Variants in ME3 observed in about 807,000 individuals in gnomAD.
The protein encoded by ME3 is malic enzyme 3, also known as NADP-dependent malic enzyme, mitochondrial.
Under a neutral mutation model 68.9 loss-of-function variants are expected in ME3, and 48 were observed. The observed-to-expected ratio is 0.70, with a 90% confidence interval of 0.55 to 0.89. The LOEUF (loss-of-function observed/expected upper bound fraction) is 0.89, where lower values mean the gene tolerates loss of function less well. ME3 is among the 40% of genes least tolerant of loss of function. ME3 has a pLI of 0.00. For synonymous variants in ME3, 320 were observed against 318.8 expected (o/e 1.00, Z -0.04); for missense variants, 675 against 797.4 (o/e 0.85, Z 1.85).
At chr11:86,560,748 G>GTATGTGTGTATATATATATATATATATA (rs1957184106) in intron 2 of ME3, among the ~76,000 whole-genome samples, 2 of 62,528 alleles carry the variant, frequency 3.2e-5, no homozygotes, top group Admixed American at 2.1e-4. Context: ...GTGTGTGTGT[G>GTATGTGTGTATATATATATATATATATA]TATATATATA....
chr11:86,556,681 G>A, exon 4 of ME3: 1 of 1,614,126 alleles, frequency 6.2e-7, no homozygotes, highest in Non-Finnish European at 8.5e-7. Context: ...TCCGGTCTTG[G>A]AGTGTCATGA....
chr11:86,613,676 TAGAC>T (rs1942755867), intron 2 of ME3, among the ~76,000 whole-genome samples: 1 of 151,932 alleles, frequency 6.6e-6, no homozygotes, highest in Non-Finnish European at 1.5e-5. Context: ...ACACCAACAA[TAGAC>T]AGCAGAGAGC....
intron 2 of ME3, among the ~76,000 whole-genome samples, chr11:86,564,033 G>T (rs1389413927): frequency 6.6e-6 from 1 of 152,050 alleles, no homozygotes. Flanking sequence ...ACATTGCTTT[G>T]GGCAGTATGG....
At chr11:86,644,104 G>A (rs994884056) in intron 2 of ME3, among the ~76,000 whole-genome samples, 2 of 152,130 alleles carry the variant, frequency 1.3e-5, no homozygotes, top group Non-Finnish European at 2.9e-5. Context: ...GGTGTGGAGG[G>A]CAGAGAGCGG....
chr11:86,606,652 A>G (rs1375111176), intron 2 of ME3, among the ~76,000 whole-genome samples: 2 of 152,204 alleles, frequency 1.3e-5, no homozygotes, highest in Non-Finnish European at 2.9e-5. Context: ...GCATAATGGG[A>G]AAATCCTTCA....
intron 2 of ME3, among the ~76,000 whole-genome samples, chr11:86,590,151 T>G (rs1958976180): frequency 6.6e-6 from 1 of 152,162 alleles, no homozygotes; most frequent in Non-Finnish European, 1.5e-5. Context: ...TACTCAAGTT[T>G]GCAAAGGACA....
rs144858073 is a variant in ME3, at chr11:86,648,662, T to G, written c.183+23100A>C. ...ATGATAAAGGGGATATCACCACTGA[T>G]CCCAAAGAAATACAAACTACCATCA... On this transcript the variant is annotated intron_variant, in intron 2 of 14. Coordinates refer to ENST00000543262, the Ensembl canonical transcript of ME3. Among the ~76,000 whole-genome samples, 278 of 152,216 alleles carry G rather than the reference T, an allele frequency of 1.8e-3. 10 individuals carry two copies. In the East Asian group the frequency reaches 0.05, roughly 27 times the overall value.
chr11:86,556,448 A>G, intron 4 of ME3, 105 bp downstream of exon 4: 15 of 1,361,812 alleles, frequency 1.1e-5, no homozygotes, highest in Non-Finnish European at 1.5e-5. Flanking sequence ...CCACTGACCC[A>G]ATCAGAGTTA....
chr11:86,475,008 CTA>C (rs908252104), intron 7 of ME3, among the ~76,000 whole-genome samples: 8 of 152,352 alleles, frequency 5.3e-5, no homozygotes, highest in Admixed American at 5.2e-4. Context: ...TGGTCTTAAA[CTA>C]TTTTTCTGGT....
chr11:86,553,223 C>T (rs954320415), intron 4 of ME3, among the ~76,000 whole-genome samples: 6 of 152,172 alleles, frequency 3.9e-5, no homozygotes, highest in Non-Finnish European at 7.3e-5. Context: ...ATACTCTTTC[C>T]CCGGTAATGA....
intron 2 of ME3, among the ~76,000 whole-genome samples, chr11:86,659,023 TAAGA>T (rs1946104125): frequency 6.6e-6 from 1 of 151,936 alleles, no homozygotes; most frequent in South Asian, 2.1e-4. Context: ...ATAAAAGAGA[TAAGA>T]AAGGAGAGTA....
Position 86,567,243 on chromosome 11 carries a change from A to AAAGGAAGGAAGGAAGG in ME3, c.184-7436_184-7421dup, listed in dbSNP as rs149764846. 1.7e-3 allele frequency among the ~76,000 whole-genome samples: 251 copies of AAAGGAAGGAAGGAAGG among 144,574 alleles called. 1 individual carries two copies. The highest frequency in any genetic ancestry group is 7.5e-3 in the East Asian group (37 of 4,912). The allele number at this position is 144,574 out of a possible 152,430, so 94.8% of individuals were successfully genotyped here. ...AAAGAAAGAAAGAAAGAAAAGAAAG[A>AAAGGAAGGAAGGAAGG]AAGGAAGGAAGGAAGGAAGGAAGGA... On this transcript the variant is annotated intron_variant, in intron 2 of 14. Coordinates refer to ENST00000543262, the Ensembl canonical transcript of ME3.
intron 4 of ME3, among the ~76,000 whole-genome samples, chr11:86,539,172 C>T (rs1357235710): frequency 6.6e-6 from 1 of 152,126 alleles, no homozygotes; most frequent in East Asian, 1.9e-4. Flanking sequence ...ACTCCCAATC[C>T]TGAGAGTCTA....
At position 86,463,292 on chromosome 11, in the gene ME3, C is replaced by T. The variant is rs1018299556; in HGVS notation, c.919+1799G>A. Among the ~76,000 whole-genome samples, 8 of 152,298 alleles carry T rather than the reference C, an allele frequency of 5.3e-5. No homozygotes were observed. In the East Asian group the frequency reaches 1.2e-3, roughly 22 times the overall value. ...CTTCCACCCTCTGGCCTTGGCAGCC[C>T]GGTGGGCTCAGGGGACTGGCTGTCC... On this transcript the variant is annotated intron_variant, in intron 8 of 14. Transcript: ENST00000543262.
At chr11:86,462,674 G>T (rs1294623580) in intron 8 of ME3, 1 of 1,061,042 alleles carries the variant, frequency 9.4e-7, no homozygotes, top group Admixed American at 2.3e-5. Context: ...CGCGGTGCTG[G>T]GAGCTGGGGA....
intron 7 of ME3, among the ~76,000 whole-genome samples, chr11:86,473,603 G>A (rs1318428207): frequency 6.6e-6 from 1 of 152,122 alleles, no homozygotes; most frequent in African/African-American, 2.4e-5. Context: ...CTAGAGCACA[G>A]TTAGAATGGG....
chr11:86,569,122 T>G (rs1022448371), intron 2 of ME3, among the ~76,000 whole-genome samples: 1 of 152,196 alleles, frequency 6.6e-6, no homozygotes, highest in African/African-American at 2.4e-5. Flanking sequence ...ACTATTAGTA[T>G]TGTGTTCACG....
intron 2 of ME3, among the ~76,000 whole-genome samples, chr11:86,567,069 TAGTC>T (rs1262235947): frequency 1.3e-5 from 2 of 151,764 alleles, no homozygotes; most frequent in Non-Finnish European, 2.9e-5. Context: ...AATACAAAAT[TAGTC>T]AGGCATGGTG....
At chr11:86,438,850 C>G (rs762875336), downstream of ME3, among the ~76,000 whole-genome samples, 1 of 152,180 alleles carries the variant, frequency 6.6e-6, no homozygotes, top group Non-Finnish European at 1.5e-5. Flanking sequence ...ATCTTTCTCT[C>G]TCTCTCTCTG....
Sources: gnomAD v4.1 joint callset for allele counts (sites outside exome capture counted in the v4.1 genomes callset) on GRCh38, gnomAD v4.1.1 for gene constraint, MANE v1.5 for transcripts, NCBI Gene and HGNC (gene_info 2026-07-23, HGNC 2026-07-21) for gene names.